CHRDL1: variants seen among roughly 807,000 people sequenced by gnomAD.
CHRDL1 encodes chordin-like protein 1.
A neutral mutation model predicts 40.9 loss-of-function variants in CHRDL1; 19 were observed. The ratio of observed to expected loss-of-function variants is 0.46; its 90% CI spans 0.32 to 0.68. The LOEUF (loss-of-function observed/expected upper bound fraction) is 0.68. Ranked by LOEUF, CHRDL1 falls within the 30% of genes least tolerant of loss-of-function variation. The pLI, the probability that CHRDL1 is intolerant of heterozygous loss-of-function variation, is 0.03. For missense variants in CHRDL1, 329 were observed against 352.1 expected (o/e 0.93, Z 0.53); for synonymous variants, 136 against 123.4 (o/e 1.10, Z -0.68).
Position 110,755,232 on chromosome X carries a change from G to T in CHRDL1, c.301+4429C>A, listed in dbSNP as rs1371264636. On this transcript the variant is annotated intron_variant, in intron 4 of 11. Transcript: ENST00000372042. ...CCTCCATGTAGCCTCTTTGGGCCCA[G>T]TAGAGCACTGTGGTATGTGACTAAG... is the stretch of plus-strand genomic sequence containing the variant. Among the ~76,000 whole-genome samples the T allele has an allele frequency of 1.1e-4, 12 of 111,239 alleles. 1 individual carries two copies.
chrX:110,692,026 C>A (rs190352807), intron 8 of CHRDL1, among the ~76,000 whole-genome samples: 1 of 110,356 alleles, frequency 9.1e-6, no homozygotes, highest in African/African-American at 3.3e-5. Flanking sequence ...GATTCAAGTT[C>A]AAAATGGTGG....
intron 2 of CHRDL1, among the ~76,000 whole-genome samples, chrX:110,784,330 G>T (rs1399344362): frequency 8.9e-6 from 1 of 112,169 alleles, no homozygotes; most frequent in African/African-American, 3.2e-5. Context: ...AACATTCTCC[G>T]TCCTGTGTAT....
chrX:110,771,467 A>G (rs1050526907), intron 2 of CHRDL1, among the ~76,000 whole-genome samples: 7 of 112,661 alleles, frequency 6.2e-5, no homozygotes, highest in Non-Finnish European at 1.3e-4. Context: ...AACAATATGT[A>G]GAAAGATAAT....
Position 110,755,905 on chromosome X carries a change from T to A in CHRDL1, c.301+3756A>T, listed in dbSNP as rs893269065. Among the ~76,000 whole-genome samples the A allele has an allele frequency of 7.2e-5, 8 of 111,683 alleles. No individual in the cohort carries two copies. In the Admixed American group the frequency reaches 7.6e-4, roughly 11 times the overall value. On this transcript the variant is annotated intron_variant, in intron 4 of 11. Transcript: ENST00000372042. ...TCAAAGCAGGACTGTGCCAACTCTA[T>A]CTCAGATGGGTGGGTACCTTTTTAT...
chrX:110,726,122 C>G lies in CHRDL1; in HGVS notation c.302-4592G>C, dbSNP rs553271620. ...TAGAATAGGATGCTGTTTCTATGTG[C>G]GTATCTCACAGTGATGCAAGAGAAG... On this transcript the variant is annotated intron_variant, in intron 4 of 11. Transcript: ENST00000372042. Among the ~76,000 whole-genome samples, 18 of 110,832 alleles carry G rather than the reference C, an allele frequency of 1.6e-4. No individual in the cohort carries two copies. The South Asian group carries it at 6.9e-3, about 42-fold the overall frequency.
chrX:110,773,660 GGAGCTTGCAGT>G (rs1371143981), intron 2 of CHRDL1, among the ~76,000 whole-genome samples: 1 of 104,559 alleles, frequency 9.6e-6, no homozygotes, highest in Non-Finnish European at 2.0e-5. Flanking sequence ...CCCAGGAGGT[GGAGCTTGCAGT>G]GAGCCGAGAT....
chrX:110,699,227 T>A (rs995210796), intron 7 of CHRDL1, among the ~76,000 whole-genome samples: 2 of 111,847 alleles, frequency 1.8e-5, no homozygotes, highest in African/African-American at 6.5e-5. Flanking sequence ...AATGGTTCCA[T>A]CTCACTGCTG....
chrX:110,789,965 T>C (rs991808437), intron 2 of CHRDL1, among the ~76,000 whole-genome samples: 15 of 112,472 alleles, frequency 1.3e-4, no homozygotes, highest in African/African-American at 4.8e-4. Flanking sequence ...TATATTGCAT[T>C]ACCTGGATCA....
chrX:110,783,813 G>A (rs1460662166), intron 2 of CHRDL1, among the ~76,000 whole-genome samples: 1 of 112,017 alleles, frequency 8.9e-6, no homozygotes, highest in Non-Finnish European at 1.9e-5. Context: ...GTGTCACTAT[G>A]CCATCAATGT....
At chrX:110,679,109 G>A (rs1379361801) in intron 11 of CHRDL1, among the ~76,000 whole-genome samples, 1 of 111,394 alleles carries the variant, frequency 9.0e-6, no homozygotes, top group Admixed American at 9.6e-5. Flanking sequence ...GGTATCCTAT[G>A]CTCAGACTAC....
At chrX:110,775,716 T>G (rs1322019360) in intron 2 of CHRDL1, among the ~76,000 whole-genome samples, 1 of 111,621 alleles carries the variant, frequency 9.0e-6, no homozygotes, top group East Asian at 2.8e-4. Context: ...AAGTGACTAT[T>G]GATTTGCTAG....
chrX:110,674,852 G>C lies in CHRDL1; in HGVS notation c.*1379C>G, dbSNP rs1214535592. The C allele has an allele frequency of 8.9e-6, 1 of 112,121 alleles. No individual in the cohort carries two copies. The highest frequency in any genetic ancestry group is 4.6e-3 in the Middle Eastern group (1 of 218). 9.2% of individuals were successfully genotyped at this position (112,121 alleles called of 1,213,427 possible). Reference sequence around the variant, plus strand: ...CTGAGATCCTTGCTGTGAAGAATTAGGTCTTCCCACAAAGATGATTTCTAA... The same window carrying C: ...CTGAGATCCTTGCTGTGAAGAATTACGTCTTCCCACAAAGATGATTTCTAA... On this transcript the variant is annotated 3_prime_UTR_variant, in exon 12 of 12. Transcript: ENST00000372042.
At chrX:110,735,793 T>C (rs1424620122) in intron 4 of CHRDL1, among the ~76,000 whole-genome samples, 1 of 111,920 alleles carries the variant, frequency 8.9e-6, no homozygotes, top group Non-Finnish European at 1.9e-5. Flanking sequence ...GTTATTTAAG[T>C]AGTGAAATGA....
chrX:110,681,739 C>G, intron 9 of CHRDL1, 90 bp from the exon 10 acceptor site: 2 of 641,563 alleles, frequency 3.1e-6, no homozygotes, highest in Non-Finnish European at 4.8e-6. Context: ...TTCATAACAT[C>G]TCACACTTAT....
chrX:110,732,138 A>G lies in CHRDL1; in HGVS notation c.302-10608T>C, dbSNP rs780780460. Among the ~76,000 whole-genome samples the G allele has an allele frequency of 2.7e-5, 3 of 111,659 alleles. No individual in the cohort carries two copies. In the East Asian group the frequency reaches 8.5e-4, roughly 32 times the overall value. ...AGAAGAGAAAGGTAAATTAAAAAGA[A>G]AGGGAGAATCACAAATGGGTAGAGG... On this transcript the variant is annotated intron_variant, in intron 4 of 11. Transcript: ENST00000372042.
chrX:110,759,127 C>T (rs922162507), intron 4 of CHRDL1, among the ~76,000 whole-genome samples: 3 of 112,207 alleles, frequency 2.7e-5, no homozygotes, highest in African/African-American at 9.7e-5. Flanking sequence ...TGCCTGGCTG[C>T]CCCTTAGAAT....
intron 2 of CHRDL1, among the ~76,000 whole-genome samples, chrX:110,787,553 T>A (rs2090036573): frequency 8.9e-6 from 1 of 112,462 alleles, no homozygotes; most frequent in African/African-American, 3.2e-5. Flanking sequence ...CAAGGGAGAA[T>A]CTGGAGGAGG....
intron 9 of CHRDL1, among the ~76,000 whole-genome samples, chrX:110,687,456 A>G (rs965041977): frequency 1.3e-4 from 15 of 111,909 alleles, no homozygotes; most frequent in Non-Finnish European, 1.9e-4. Context: ...AAAATGCTCA[A>G]TAAATACACA....
intron 4 of CHRDL1, among the ~76,000 whole-genome samples, chrX:110,733,821 T>C (rs1034550988): frequency 1.8e-4 from 19 of 107,931 alleles, no homozygotes; most frequent in African/African-American, 6.5e-4. Flanking sequence ...GGCAGGATCA[T>C]TGGTTGAGCC....
Sources: allele counts gnomAD v4.1 joint callset (sites outside exome capture counted in the v4.1 genomes callset), GRCh38; gene constraint gnomAD v4.1.1; transcripts MANE v1.5; gene names NCBI Gene and HGNC (gene_info 2026-07-23, HGNC 2026-07-21).